The following DENND4B variants were observed in gnomAD, a reference collection of about 807,000 sequenced individuals.
The protein encoded by DENND4B is DENN domain containing 4B.
In DENND4B, 67 loss-of-function variants were observed where a neutral mutation model predicts 161.0. That is an observed-to-expected ratio of 0.42 (90% CI 0.34 to 0.51). The LOEUF is 0.51. DENND4B is among the 20% of genes least tolerant of loss of function. DENND4B has a pLI of 0.08. For missense variants in DENND4B, 1,481 were observed against 1,968.0 expected (o/e 0.75, Z 4.68); for synonymous variants, 753 against 813.8 (o/e 0.93, Z 1.27).
At chr1:153,943,471 G>C (rs11587065) in intron 2 of DENND4B, among the ~76,000 whole-genome samples, 1 of 151,962 alleles carries the variant, frequency 6.6e-6, no homozygotes, top group Non-Finnish European at 1.5e-5. Context: ...TGAGGTCAGG[G>C]GTTCAGGACC....
At chr1:153,935,865 G>A (rs1361896358) in intron 17 of DENND4B, 195 bp downstream of exon 17, 2 of 620,972 alleles carry the variant, frequency 3.2e-6, no homozygotes, top group African/African-American at 1.9e-5. Flanking sequence ...GCTGTCATGA[G>A]TGGGAATCAA....
Position 153,930,071 on chromosome 1 carries a change from T to C in DENND4B, c.*226A>G, listed in dbSNP as rs1459814859. ...CAGAGCTGTACCAACTCCCCCCAGATCTCCCCCAACATCAGCACGAACAAA... is the reference window on the plus strand; with the variant it reads ...CAGAGCTGTACCAACTCCCCCCAGACCTCCCCCAACATCAGCACGAACAAA... On this transcript the variant is annotated 3_prime_UTR_variant, in exon 28 of 28. Coordinates refer to ENST00000361217, the MANE Select transcript of DENND4B (RefSeq NM_014856.3). This position sits in a 1 kb window ranked among gnomAD's most constrained non-coding sequence, Gnocchi z 4.7. 3.3e-6 allele frequency: 2 copies of C among 609,794 alleles called. No individual in the cohort carries two copies. The highest frequency in any genetic ancestry group is 6.1e-5 in the Admixed American group (2 of 32,762). 37.8% of individuals were successfully genotyped at this position (609,794 alleles called of 1,614,324 possible). A position where few individuals can be genotyped will look rare whatever the true frequency, so the allele number is the denominator to read the frequency against.
rs375888617 is a variant in DENND4B, at chr1:153,935,932, T to C, written c.2568+128A>G. ...AGGCACCACAGGAGTGCAATGTGGA[T>C]GACAGTGGTTCCAGGACCTAGGCAA... On this transcript the variant is annotated intron_variant, in intron 17 of 27. Transcript: ENST00000361217. 7.6e-5 allele frequency: 92 copies of C among 1,206,208 alleles called. 1 individual carries two copies. In the South Asian group the frequency reaches 1.2e-3, roughly 16 times the overall value. The allele number at this position is 1,206,208 out of a possible 1,614,324, so 74.7% of individuals were successfully genotyped here.
Position 153,940,508 on chromosome 1 carries a change from G to C in DENND4B, c.1425C>G (p.Ile475Met), listed in dbSNP as rs1463395950. ...LSAPVPFIVG[I>M]HSSYFDLHDP... ...CATGCAGATCAAAGTAGCTGGAGTGGATACCCACAATGAAGGGCACTGGGG... is the reference window on the plus strand; with the variant it reads ...CATGCAGATCAAAGTAGCTGGAGTGCATACCCACAATGAAGGGCACTGGGG... Residue 475 changes from isoleucine to methionine, a missense_variant, in exon 10 of 28, where the codon ATC (isoleucine) becomes ATG (methionine). This residue lies in a region of DENND4B where 806 missense variants were observed against 1,134.4 expected (regional missense o/e 0.71). Coordinates refer to ENST00000361217, the MANE Select transcript of DENND4B (RefSeq NM_014856.3). This position sits in a 1 kb window ranked among gnomAD's most constrained non-coding sequence, Gnocchi z 5.6. The C allele has an allele frequency of 6.2e-7, 1 of 1,613,418 alleles. No individual in the cohort carries two copies. The highest frequency in any genetic ancestry group is 8.5e-7 in the Non-Finnish European group (1 of 1,179,664).
chr1:153,933,594 G>A lies in DENND4B; in HGVS notation c.3219C>T (p.Ala1073=). The part of the protein sequence containing the change: ...QLLTPSRHSP[A]SRIPPPELPP... Reference sequence around the variant, plus strand: ...GCAGCTCAGGTGGGGGAATGCGGGAGGCAGGGGAGTGGCGGGAAGGAGTGA... The same window carrying A: ...GCAGCTCAGGTGGGGGAATGCGGGAAGCAGGGGAGTGGCGGGAAGGAGTGA... Residue 1073 remains alanine, a synonymous_variant, in exon 20 of 28, where the codon GCC becomes GCT. Transcript: ENST00000361217. This position sits in a 1 kb window ranked among gnomAD's most constrained non-coding sequence, Gnocchi z 5.7. The A allele has an allele frequency of 6.4e-7, 1 of 1,573,286 alleles. No individual in the cohort carries two copies. The highest frequency in any genetic ancestry group is 1.2e-5 in the South Asian group (1 of 85,516).
intron 13 of DENND4B, 90 bp downstream of exon 13, chr1:153,938,810 A>G: frequency 2.1e-6 from 3 of 1,402,446 alleles, no homozygotes; most frequent in Non-Finnish European, 2.9e-6. Context: ...CACCCTGAAC[A>G]TGCCCGATTC....
In DENND4B at chr1:153,944,100, C is replaced by G; in HGVS notation, c.275G>C (p.Cys92Ser). The change falls in exon 2 of 28, where the codon TGC (cysteine) becomes TCC (serine). Residue 92 changes from cysteine (C) to serine (S), a missense_variant. Cys to Ser is a moderately radical substitution (Grantham distance 112). This residue lies in a region of DENND4B where 806 missense variants were observed against 1,134.4 expected (regional missense o/e 0.71). Transcript: ENST00000361217. This position sits in a 1 kb window ranked among gnomAD's most constrained non-coding sequence, Gnocchi z 4.8. ...GLLGGTQPVICYRRGRDKPPL... is the reference protein window; with the variant it reads ...GLLGGTQPVISYRRGRDKPPL... ...GGGCTTGTCACGGCCCCTGCGGTAGCAGATGACGGGTTGAGTTCCACCCAG... is the reference window on the plus strand; with the variant it reads ...GGGCTTGTCACGGCCCCTGCGGTAGGAGATGACGGGTTGAGTTCCACCCAG... 1 of 1,601,428 alleles carries G rather than the reference C, an allele frequency of 6.2e-7. No individual in the cohort carries two copies. Among genetic ancestry groups the G allele is most frequent in the Non-Finnish European group, 8.5e-7 (1 of 1,172,890 alleles).
intron 13 of DENND4B, among the ~76,000 whole-genome samples, chr1:153,938,680 C>T (rs1053884255): frequency 2.4e-4 from 33 of 140,060 alleles, no homozygotes; most frequent in African/African-American, 5.4e-4. Context: ...CCAGCCTGGG[C>T]GACAGAGCAA....
chr1:153,942,677 T>C lies in DENND4B; in HGVS notation c.571-52A>G. On this transcript the variant is annotated intron_variant, in intron 3 of 27. Coordinates refer to ENST00000361217, the MANE Select transcript of DENND4B (RefSeq NM_014856.3). This position sits in a 1 kb window ranked among gnomAD's most constrained non-coding sequence, Gnocchi z 6.9. The stretch of plus-strand genomic sequence containing the variant: ...CAGATACATAGCTAACAAAGGTTTC[T>C]GGGGTCCACTTTCTCTCTACCACCC... 1.3e-6 allele frequency: 2 copies of C among 1,519,796 alleles called. No homozygotes were observed. Among genetic ancestry groups the C allele is most frequent in the Admixed American group, 2.3e-5 (1 of 42,838 alleles). 94.1% of individuals were successfully genotyped at this position (1,519,796 alleles called of 1,614,324 possible). A position where few individuals can be genotyped will look rare whatever the true frequency, so the allele number is the denominator to read the frequency against.
At chr1:153,939,275 G>C (rs3216005) in intron 12 of DENND4B, among the ~76,000 whole-genome samples, 6 of 82,144 alleles carry the variant, frequency 7.3e-5, no homozygotes, top group East Asian at 7.6e-4. Context: ...GCCTCAGACT[G>C]GGGGGGGTCT....
Position 153,932,648 on chromosome 1 carries a change from G to A in DENND4B, c.3753C>T (p.His1251=). 3.1e-6 allele frequency: 5 copies of A among 1,612,738 alleles called. No homozygotes were observed. Among genetic ancestry groups the A allele is most frequent in the Non-Finnish European group, 4.2e-6 (5 of 1,179,062 alleles). The change falls in exon 23 of 28, where the codon CAC becomes CAT. Residue 1251 remains histidine (H), a synonymous_variant. Transcript: ENST00000361217. This position sits in a 1 kb window ranked among gnomAD's most constrained non-coding sequence, Gnocchi z 5.8. ...CCTTTGGCCCAGCCCTTACCCCCAT[G>A]TGCCCGTTGCAGAGCTGGGGCTCAT... ...ALDEPQLCNG[H]MGGASRRVES...
In DENND4B at chr1:153,933,784, T is replaced by A; in HGVS notation, c.3029A>T (p.Glu1010Val). 2 of 1,611,470 alleles carry A rather than the reference T, an allele frequency of 1.2e-6. No homozygotes were observed. The highest frequency in any genetic ancestry group is 1.3e-5 in the African/African-American group (1 of 74,970). The change falls in exon 20 of 28, where the codon GAG becomes GTG. Residue 1010 changes from glutamate (E) to valine (V), a missense_variant. Transcript: ENST00000361217. This position sits in a 1 kb window ranked among gnomAD's most constrained non-coding sequence, Gnocchi z 5.7. ...TGGGCTGCCTCCAGGGAGCGGCTCC[T>A]CCCCTGTCAGGCTCAGGTCTGAGAG... Reference protein sequence around the residue: ...GSLSDLSLTGEEPLPGGSPGG... With the variant: ...GSLSDLSLTGVEPLPGGSPGG...
At position 153,940,407 on chromosome 1, in the gene DENND4B, C is replaced by T. The variant is rs761882205; in HGVS notation, c.1502+24G>A. 8 of 1,607,718 alleles carry T rather than the reference C, an allele frequency of 5.0e-6. No homozygotes were observed. The South Asian group carries it at 8.9e-5, about 18-fold the overall frequency. On this transcript the variant is annotated intron_variant, in intron 10 of 27. Transcript: ENST00000361217. This position sits in a 1 kb window ranked among gnomAD's most constrained non-coding sequence, Gnocchi z 5.6. ...CATTCCTGCCCACCACCCTGCAGCC[C>T]CCAAATGAGACCCAGCCTCTTACTG...
Position 153,940,673 on chromosome 1 carries a change from A to G in DENND4B, c.1327-67T>C. On this transcript the variant is annotated intron_variant, in intron 9 of 27. Transcript: ENST00000361217. The surrounding 1 kb of genome is among the most constrained non-coding windows in gnomAD (Gnocchi z 5.6). ...GGCAGCAGTGGGAGGCACAGGAGAGAGAAAGAGAGGGCATTGGCCTTGGGG... is the reference window on the plus strand; with the variant it reads ...GGCAGCAGTGGGAGGCACAGGAGAGGGAAAGAGAGGGCATTGGCCTTGGGG... 1.3e-6 allele frequency: 2 copies of G among 1,563,994 alleles called. No individual in the cohort carries two copies. Among genetic ancestry groups the G allele is most frequent in the East Asian group, 4.7e-5 (2 of 42,514 alleles).
At chr1:153,941,777 C>CCGG in intron 6 of DENND4B, 92 bp downstream of exon 6, 6 of 542,716 alleles carry the variant, frequency 1.1e-5, no homozygotes, top group East Asian at 4.9e-5. Context: ...TGTGCCCAGC[C>CCGG]CTCCCCCCAC....
intron 17 of DENND4B, 145 bp from the exon 18 acceptor site, chr1:153,935,109 A>G (rs1679258077): frequency 6.9e-7 from 1 of 1,443,156 alleles, no homozygotes; most frequent in Non-Finnish European, 9.1e-7. Flanking sequence ...TCAGCCAGGA[A>G]CAAGAGCCCA....
chr1:153,940,783 C>T lies in DENND4B; in HGVS notation c.1326+121G>A. ...AAGCTATGTGTTCCTGCAGGCTGTGCCCAGGGAAAGGGGCTGAGGATCCTC... is the reference window on the plus strand; with the variant it reads ...AAGCTATGTGTTCCTGCAGGCTGTGTCCAGGGAAAGGGGCTGAGGATCCTC... On this transcript the variant is annotated intron_variant, in intron 9 of 27. Transcript: ENST00000361217. This position sits in a 1 kb window ranked among gnomAD's most constrained non-coding sequence, Gnocchi z 5.6. 6 of 1,457,724 alleles carry T rather than the reference C, an allele frequency of 4.1e-6. No individual in the cohort carries two copies. The highest frequency in any genetic ancestry group is 1.9e-4 in the Middle Eastern group (1 of 5,294). The allele number at this position is 1,457,724 out of a possible 1,614,324, so 90.3% of individuals were successfully genotyped here. A position where few individuals can be genotyped will look rare whatever the true frequency, so the allele number is the denominator to read the frequency against.
chr1:153,942,116 GGCA>G lies in DENND4B; in HGVS notation c.811-6_811-4del. The G allele has an allele frequency of 6.2e-7, 1 of 1,613,746 alleles. No homozygotes were observed. The highest frequency in any genetic ancestry group is 8.5e-7 in the Non-Finnish European group (1 of 1,179,826). ...AACTGCAGGGCGGCACCATACACCT[GGCA>G]GGGGGCAGAAGGGTAGTCAGGCAGG... On this transcript the variant is annotated splice_region_variant and splice_polypyrimidine_tract_variant and intron_variant, in intron 5 of 27. Transcript: ENST00000361217. This position sits in a 1 kb window ranked among gnomAD's most constrained non-coding sequence, Gnocchi z 6.9.
In DENND4B at chr1:153,932,485, C is replaced by G; in HGVS notation, c.3760-45G>C. On this transcript the variant is annotated intron_variant, in intron 23 of 27. Transcript: ENST00000361217. The surrounding 1 kb of genome is among the most constrained non-coding windows in gnomAD (Gnocchi z 5.8). ...AGGGCAGTAGAGGGCATGTACATCC[C>G]CAGAGCCTTGCCTCCCACTGAGCCA... 6.4e-7 allele frequency: 1 copy of G among 1,563,918 alleles called. No individual in the cohort carries two copies. Among genetic ancestry groups the G allele is most frequent in the Non-Finnish European group, 8.7e-7 (1 of 1,153,140 alleles).
Sources: gnomAD v4.1 joint callset for allele counts (sites outside exome capture counted in the v4.1 genomes callset) on GRCh38, gnomAD v4.1.1 for gene constraint, gnomAD v4.1.1 regional missense constraint, Gnocchi (gnomAD v3.1) non-coding constraint, MANE v1.5 for transcripts, NCBI Gene and HGNC (gene_info 2026-07-23, HGNC 2026-07-21) for gene names.